Variants in NTNG1 observed in about 807,000 individuals in gnomAD.
NTNG1 encodes the protein netrin-G1.
NTNG1 carries 16 observed loss-of-function variants against 54.0 expected under a neutral mutation model. The ratio of observed to expected loss-of-function variants is 0.30; its 90% confidence interval spans 0.20 to 0.45. The LOEUF (loss-of-function observed/expected upper bound fraction) is 0.45. Ranked by LOEUF, NTNG1 falls within the 20% of genes least tolerant of loss-of-function variation. NTNG1 has a pLI of 1.00. For missense variants in NTNG1, 530 were observed against 678.7 expected (o/e 0.78, Z 2.43); for synonymous variants, 255 against 263.1 (o/e 0.97, Z 0.30).
intron 2 of NTNG1, among the ~76,000 whole-genome samples, chr1:107,255,321 C>CATAAAGACA (rs1457866246): frequency 1.3e-5 from 2 of 152,076 alleles, no homozygotes; most frequent in Non-Finnish European, 2.9e-5. Context: ...AGTTTTCCTC[C>CATAAAGACA]ATAAAGACAC....
chr1:107,246,049 T>TTTTTG (rs150913258), intron 2 of NTNG1, among the ~76,000 whole-genome samples: 15,899 of 151,938 alleles, frequency 0.1, 1,070 homozygotes, highest in East Asian at 0.16. Context: ...TTAATTATTA[T>TTTTTG]TTTTGTTTTG....
chr1:107,379,823 T>C (rs139722570), intron 3 of NTNG1, among the ~76,000 whole-genome samples: 1 of 152,156 alleles, frequency 6.6e-6, no homozygotes, highest in Non-Finnish European at 1.5e-5. Flanking sequence ...TAGCAGGTGG[T>C]AAAGCAAGTG....
intron 2 of NTNG1, among the ~76,000 whole-genome samples, chr1:107,296,896 A>G (rs942625059): frequency 1.0e-4 from 15 of 149,272 alleles, no homozygotes; most frequent in African/African-American, 3.7e-4. Flanking sequence ...AAGACTTTAC[A>G]TGTCTTACTT....
rs952754037 is a variant in NTNG1 at position 107,483,546 on chromosome 1, C to T, written c.*2706C>T. 1 of 152,202 alleles carries T rather than the reference C, an allele frequency of 6.6e-6. No individual in the cohort carries two copies. The highest frequency in any genetic ancestry group is 1.5e-5 in the Non-Finnish European group (1 of 68,036). 9.4% of individuals were successfully genotyped at this position (152,202 alleles called of 1,614,324 possible). The stretch of plus-strand genomic sequence containing the variant: ...CTACTCCTCTGAGGAAACCTCAACT[C>T]AGTGGACTTGATTCATCTGTTACTT... On this transcript the variant is annotated 3_prime_UTR_variant, in exon 8 of 8. Transcript: ENST00000370068.
At chr1:107,231,392 G>C (rs1306521168) in intron 2 of NTNG1, among the ~76,000 whole-genome samples, 1 of 152,136 alleles carries the variant, frequency 6.6e-6, no homozygotes, top group Non-Finnish European at 1.5e-5. Flanking sequence ...TTCAACTCCT[G>C]AATGCCATTT....
chr1:107,260,615 T>C (rs543674395), intron 2 of NTNG1, among the ~76,000 whole-genome samples: 1 of 152,344 alleles, frequency 6.6e-6, no homozygotes, highest in South Asian at 2.1e-4. Context: ...ACAAACCATG[T>C]GTTTCAAGAA....
intron 5 of NTNG1, among the ~76,000 whole-genome samples, chr1:107,423,353 A>G (rs1304808178): frequency 6.6e-6 from 1 of 152,040 alleles, no homozygotes; most frequent in Non-Finnish European, 1.5e-5. Context: ...TACCACATCT[A>G]GTCATCTAGT....
intron 3 of NTNG1, among the ~76,000 whole-genome samples, chr1:107,337,736 A>T (rs1172825483): frequency 6.6e-6 from 1 of 152,006 alleles, no homozygotes; most frequent in Non-Finnish European, 1.5e-5. Flanking sequence ...GTCCTTATGA[A>T]ATCTTCTAGT....
At chr1:107,296,408 A>C (rs1202473246) in intron 2 of NTNG1, among the ~76,000 whole-genome samples, 1 of 152,060 alleles carries the variant, frequency 6.6e-6, no homozygotes, top group Non-Finnish European at 1.5e-5. Flanking sequence ...TGCACATTGC[A>C]TGAAACCTGA....
intron 6 of NTNG1, among the ~76,000 whole-genome samples, chr1:107,432,337 T>G (rs982059197): frequency 3.3e-5 from 5 of 152,184 alleles, no homozygotes; most frequent in Non-Finnish European, 5.9e-5. Flanking sequence ...GTCTTGTCAT[T>G]GAGAAAAGTA....
At chr1:107,208,795 G>A (rs114141171) in intron 2 of NTNG1, among the ~76,000 whole-genome samples, 1,587 of 152,156 alleles carry the variant, frequency 0.01, 19 homozygotes, top group African/African-American at 0.036. Context: ...TTTTGTGGGG[G>A]CTTACCTTCC....
At position 107,483,894 on chromosome 1, in the gene NTNG1, G is replaced by T. The variant is rs776791094; in HGVS notation, c.*3054G>T. On this transcript the variant is annotated 3_prime_UTR_variant, in exon 8 of 8. Transcript: ENST00000370068. ...GGACATGCCCTGCTGTGATTTGAGG[G>T]TTATTTATTTCTGACCCTGTACACA... Among the ~76,000 whole-genome samples the T allele has an allele frequency of 6.6e-6, 1 of 152,122 alleles. No homozygotes were observed. The highest frequency in any genetic ancestry group is 2.4e-5 in the African/African-American group (1 of 41,422).
chr1:107,296,352 G>T (rs1354658028), intron 2 of NTNG1, among the ~76,000 whole-genome samples: 1 of 152,034 alleles, frequency 6.6e-6, no homozygotes, highest in Non-Finnish European at 1.5e-5. Context: ...CAAGTTTTAA[G>T]AATAGCTGCT....
intron 7 of NTNG1, among the ~76,000 whole-genome samples, chr1:107,461,777 C>A (rs562859589): frequency 1.3e-5 from 2 of 152,182 alleles, no homozygotes; most frequent in African/African-American, 4.8e-5. Context: ...CGTGAACTGC[C>A]CACCTCAGCC....
intron 2 of NTNG1, among the ~76,000 whole-genome samples, chr1:107,287,774 T>C (rs1278598789): frequency 6.6e-6 from 1 of 152,180 alleles, no homozygotes; most frequent in African/African-American, 2.4e-5. Flanking sequence ...AATTCCAACT[T>C]TGCCATTAGT....
intron 7 of NTNG1, among the ~76,000 whole-genome samples, chr1:107,468,413 G>T (rs748648112): frequency 2.3e-4 from 35 of 152,242 alleles, no homozygotes; most frequent in Non-Finnish European, 3.5e-4. Flanking sequence ...GCAGATACTT[G>T]CATTTCTTAA....
At chr1:107,154,624 A>G (rs1276703629) in intron 2 of NTNG1, among the ~76,000 whole-genome samples, 1 of 128,232 alleles carries the variant, frequency 7.8e-6, no homozygotes, top group East Asian at 2.2e-4. Flanking sequence ...AAAAAAAAAA[A>G]CTGGGTGGAG....
intron 2 of NTNG1, among the ~76,000 whole-genome samples, chr1:107,305,489 G>T (rs571525338): frequency 6.6e-6 from 1 of 152,274 alleles, no homozygotes; most frequent in South Asian, 2.1e-4. Context: ...AATGACCAGT[G>T]ATGATTAGCT....
At chr1:107,421,026 A>T (rs1674538497) in intron 5 of NTNG1, 4 of 1,192,556 alleles carry the variant, frequency 3.4e-6, no homozygotes, top group Non-Finnish European at 3.7e-6. Context: ...AAGTTATTAC[A>T]GTTTGAACGT....
Sources: allele counts gnomAD v4.1 joint callset (sites outside exome capture counted in the v4.1 genomes callset), GRCh38; gene constraint gnomAD v4.1.1; transcripts MANE v1.5; gene names NCBI Gene and HGNC (gene_info 2026-07-23, HGNC 2026-07-21).